The following GYS2 variants were observed in gnomAD, a reference collection of about 807,000 sequenced individuals.
The protein encoded by GYS2 is glycogen synthase 2, also known as glycogen [starch] synthase, liver.
In GYS2, 80 loss-of-function variants were observed where a neutral mutation model predicts 85.6. The observed-to-expected ratio is 0.93, with a 90% CI of 0.78 to 1.13. The LOEUF is 1.13. GYS2 is among the 50% of genes most tolerant of loss of function. The pLI is 0.00. For missense variants in GYS2, 881 were observed against 854.9 expected (o/e 1.03, Z -0.38); for synonymous variants, 328 against 300.7 (o/e 1.09, Z -0.94).
rs146469526 is a variant in GYS2, at chr12:21,588,000, G to A, written c.122-7477C>T. Reference sequence around the variant, plus strand: ...AGTAAACTTAGGCAGGATATTTCCCGTGACAGCACTAAATAATAATCACAT... The same window carrying A: ...AGTAAACTTAGGCAGGATATTTCCCATGACAGCACTAAATAATAATCACAT... On this transcript the variant is annotated intron_variant, in intron 1 of 15. Coordinates refer to ENST00000261195, the MANE Select transcript of GYS2 (RefSeq NM_021957.4). Among the ~76,000 whole-genome samples, 982 of 152,256 alleles carry A rather than the reference G, an allele frequency of 6.4e-3. 5 individuals are homozygous for A. Among genetic ancestry groups the A allele is most frequent in the Admixed American group, 9.5e-3 (146 of 15,306 alleles).
At chr12:21,571,860 G>A (rs552381028) in intron 4 of GYS2, among the ~76,000 whole-genome samples, 2 of 152,144 alleles carry the variant, frequency 1.3e-5, no homozygotes, top group African/African-American at 4.8e-5. Flanking sequence ...TACTCAGGAG[G>A]CTGAGGCAGG....
intron 11 of GYS2, among the ~76,000 whole-genome samples, chr12:21,548,000 CTATTTT>C (rs978143638): frequency 6.6e-6 from 1 of 152,080 alleles, no homozygotes; most frequent in African/African-American, 2.4e-5. Context: ...TCACAATTTG[CTATTTT>C]TATTTTTCCA....
intron 15 of GYS2, among the ~76,000 whole-genome samples, chr12:21,537,571 T>G (rs1943924907): frequency 6.6e-6 from 1 of 152,162 alleles, no homozygotes; most frequent in South Asian, 2.1e-4. Flanking sequence ...GAAACTTTAA[T>G]GTCAACTGCC....
At chr12:21,567,696 A>C (rs1944338115) in intron 5 of GYS2, among the ~76,000 whole-genome samples, 1 of 152,212 alleles carries the variant, frequency 6.6e-6, no homozygotes, top group African/African-American at 2.4e-5. Context: ...TGCTGGCTTA[A>C]GTATAATAAC....
chr12:21,537,533 G>A (rs1048526933), intron 15 of GYS2, among the ~76,000 whole-genome samples: 3 of 152,150 alleles, frequency 2.0e-5, no homozygotes, highest in Non-Finnish European at 4.4e-5. Context: ...GTAGAGCAAA[G>A]ATTTGTACCA....
intron 1 of GYS2, among the ~76,000 whole-genome samples, chr12:21,582,638 T>TAG (rs1305850402): frequency 6.6e-6 from 1 of 151,774 alleles, no homozygotes; most frequent in African/African-American, 2.4e-5. Context: ...GATATAGATA[T>TAG]ATATCTCCTA....
At chr12:21,560,359 G>A (rs1241447433) in intron 8 of GYS2, 27 bp downstream of exon 8, 1 of 1,154,242 alleles carries the variant, frequency 8.7e-7, no homozygotes, top group Non-Finnish European at 1.3e-6. Flanking sequence ...TTTATTGCTA[G>A]AGAACATTCA....
chr12:21,562,807 A>G (rs1944271082), intron 7 of GYS2, 111 bp downstream of exon 7: 1 of 1,163,894 alleles, frequency 8.6e-7, no homozygotes, highest in Admixed American at 1.8e-5. Context: ...TTAGAATACG[A>G]TTATCGTTTA....
intron 3 of GYS2, 26 bp from the exon 4 acceptor site, chr12:21,574,352 A>C: frequency 6.3e-7 from 1 of 1,584,612 alleles, no homozygotes. Context: ...AAAAGCATTC[A>C]GAAAAGTTGT....
chr12:21,574,435 TA>T (rs1565605285), intron 3 of GYS2, 109 bp from the exon 4 acceptor site: 1 of 806,186 alleles, frequency 1.2e-6, no homozygotes, highest in East Asian at 2.6e-5. Context: ...TTTTGCAACT[TA>T]AAGGAGTCGA....
chr12:21,539,221 A>C (rs781427004), intron 15 of GYS2, 37 bp downstream of exon 15: 4 of 1,083,546 alleles, frequency 3.7e-6, no homozygotes, highest in Middle Eastern at 2.5e-4. Flanking sequence ...TATAAAAAGA[A>C]ATATAGCTTT....
At chr12:21,554,733 A>C (rs1334953868) in intron 11 of GYS2, among the ~76,000 whole-genome samples, 2 of 152,224 alleles carry the variant, frequency 1.3e-5, no homozygotes, top group Non-Finnish European at 2.9e-5. Context: ...AATTGTTAGA[A>C]TAACAGATAA....
chr12:21,595,416 G>C (rs1944684781), intron 1 of GYS2, among the ~76,000 whole-genome samples: 1 of 152,218 alleles, frequency 6.6e-6, no homozygotes, highest in Admixed American at 6.5e-5. Context: ...CTGAAGGTCT[G>C]TTTGTGGGAG....
intron 1 of GYS2, among the ~76,000 whole-genome samples, chr12:21,587,436 G>T (rs987121128): frequency 1.3e-5 from 2 of 152,098 alleles, no homozygotes; most frequent in African/African-American, 4.8e-5. Context: ...CATAGAGGAG[G>T]TTACTCTCAT....
chr12:21,593,360 A>G (rs1944660470), intron 1 of GYS2, among the ~76,000 whole-genome samples: 1 of 150,346 alleles, frequency 6.7e-6, no homozygotes, highest in South Asian at 2.1e-4. Flanking sequence ...TAAAATGGAT[A>G]TAGCTCTAGC....
downstream of GYS2, among the ~76,000 whole-genome samples, chr12:21,535,965 T>C (rs1430279032): frequency 1.3e-5 from 2 of 151,152 alleles, no homozygotes; most frequent in African/African-American, 4.9e-5. Context: ...GTTGAGACAT[T>C]GTCATTATTA....
At chr12:21,535,833 G>GCAATC (rs1943905045), downstream of GYS2, among the ~76,000 whole-genome samples, 3 of 152,140 alleles carry the variant, frequency 2.0e-5, no homozygotes, top group Non-Finnish European at 4.4e-5. Context: ...TAGCAAAAAA[G>GCAATC]CAATCCAAGA....
Position 21,546,398 on chromosome 12 carries a change from C to T in GYS2, c.1495G>A (p.Gly499Ser), listed in dbSNP as rs2136849850. The T allele has an allele frequency of 1.9e-6, 3 of 1,597,080 alleles. No individual in the cohort carries two copies. Among genetic ancestry groups the T allele is most frequent in the Non-Finnish European group, 2.6e-6 (3 of 1,165,128 alleles). ...LPMDYEEFVR[G>S]CHLGVFPSYY... ...GATGGAAATACTCCAAGATGACAAC[C>T]TCTAACAAACTCTTCATAGTCCATG... Residue 499 changes from glycine to serine, a missense_variant, in exon 12 of 16, where the codon GGT becomes AGT. Coordinates refer to ENST00000261195, the MANE Select transcript of GYS2 (RefSeq NM_021957.4).
At chr12:21,551,746 G>A (rs1038053817) in intron 11 of GYS2, among the ~76,000 whole-genome samples, 2 of 152,132 alleles carry the variant, frequency 1.3e-5, no homozygotes, top group Non-Finnish European at 2.9e-5. Context: ...CATGATTTGA[G>A]TTCCTATTAT....
Sources: gnomAD v4.1 joint callset for allele counts (sites outside exome capture counted in the v4.1 genomes callset) on GRCh38, gnomAD v4.1.1 for gene constraint, MANE v1.5 for transcripts, NCBI Gene and HGNC (gene_info 2026-07-23, HGNC 2026-07-21) for gene names.